Variants in DNAJC2 observed in about 807,000 individuals in gnomAD.
The protein encoded by DNAJC2 is dnaJ homolog subfamily C member 2.
Under a neutral mutation model 94.0 loss-of-function variants are expected in DNAJC2, and 32 were observed. That is an observed-to-expected ratio of 0.34 (90% CI 0.26 to 0.46). DNAJC2 has a LOEUF of 0.46. Ranked by LOEUF, DNAJC2 falls within the 20% of genes least tolerant of loss-of-function variation. The probability of loss-of-function intolerance (pLI) is 1.00; values close to 1 mark genes in which losing one functional copy is unlikely to be tolerated. For synonymous variants in DNAJC2, 210 were observed against 229.7 expected (o/e 0.91, Z 0.77); for missense variants, 550 against 719.5 (o/e 0.76, Z 2.69).
Position 103,319,620 on chromosome 7 carries a change from A to G in DNAJC2, c.1231T>C (p.Leu411=). Residue 411 remains leucine (L), a synonymous_variant, in exon 12 of 17, where the codon TTG becomes CTG. Transcript: ENST00000379263. ...TGTTCCTCTATTACCTGTTTTTCCA[A>G]AGCAGCCTTTCCTACTTCTTTTGTG... ...SCTKEVGKAA[L]EKQIEEINEQ... 1 of 1,614,162 alleles carries G rather than the reference A, an allele frequency of 6.2e-7. No individual in the cohort carries two copies. Among genetic ancestry groups the G allele is most frequent in the Non-Finnish European group, 8.5e-7 (1 of 1,180,024 alleles).
intron 1 of DNAJC2, 199 bp downstream of exon 1, chr7:103,344,360 G>A: frequency 1.7e-6 from 1 of 604,232 alleles, no homozygotes; most frequent in East Asian, 2.9e-5. Context: ...CAAAAGGAAG[G>A]CACCCCTCAC....
intron 1 of DNAJC2, among the ~76,000 whole-genome samples, chr7:103,342,550 C>G (rs1819414977): frequency 1.3e-5 from 2 of 151,696 alleles, no homozygotes; most frequent in African/African-American, 4.8e-5. Flanking sequence ...GGTGATCTGC[C>G]TGCCTCGGCC....
Position 103,319,835 on chromosome 7 carries a change from G to A in DNAJC2, c.1093C>T (p.His365Tyr). The part of the protein sequence containing the change: ...KLRNSCKTWN[H>Y]FSDNEAERVK... ...CGCTCTGCCTCATTATCAGAAAAAT[G>A]ATTCCAGGTCTAAAAGCACAAACAC... is the stretch of plus-strand genomic sequence containing the variant. The change falls in exon 11 of 17, where the codon CAT (histidine) becomes TAT (tyrosine). Residue 365 changes from histidine (H) to tyrosine (Y), a missense_variant. Physicochemically the swap from His to Tyr is moderately conservative, Grantham distance 83. Coordinates refer to ENST00000379263, the MANE Select transcript of DNAJC2 (RefSeq NM_014377.3). The A allele has an allele frequency of 1.2e-6, 2 of 1,614,062 alleles. No homozygotes were observed. The highest frequency in any genetic ancestry group is 2.2e-5 in the South Asian group (2 of 91,076).
intron 15 of DNAJC2, among the ~76,000 whole-genome samples, chr7:103,315,415 TAAG>T (rs962665475): frequency 2.6e-5 from 4 of 152,178 alleles, no homozygotes; most frequent in Non-Finnish European, 4.4e-5. Context: ...TCCTTAAACA[TAAG>T]GACATTTTCT....
rs778506913 is a variant in DNAJC2, at chr7:103,319,596, G to T, written c.1242+13C>A. 6.8e-6 allele frequency: 11 copies of T among 1,613,062 alleles called. No homozygotes were observed. In the Admixed American group the frequency reaches 1.5e-4, roughly 22 times the overall value. On this transcript the variant is annotated intron_variant, in intron 12 of 16. Transcript: ENST00000379263. Reference sequence around the variant, plus strand: ...TGCTACATATAGGTAGGAGTGATGTGTTCCTCTATTACCTGTTTTTCCAAA... The same window carrying T: ...TGCTACATATAGGTAGGAGTGATGTTTTCCTCTATTACCTGTTTTTCCAAA...
At chr7:103,326,809 AGGTT>A (rs1250999249) in intron 4 of DNAJC2, 125 bp from the exon 5 acceptor site, 1 of 915,958 alleles carries the variant, frequency 1.1e-6, no homozygotes, top group African/African-American at 1.7e-5. Flanking sequence ...TTTTGTTTGC[AGGTT>A]GGGGAGGATT....
At chr7:103,331,815 T>C (rs1330748289) in intron 3 of DNAJC2, among the ~76,000 whole-genome samples, 1 of 152,170 alleles carries the variant, frequency 6.6e-6, no homozygotes, top group African/African-American at 2.4e-5. Context: ...AATAAAAACA[T>C]GGGAGTGCAG....
chr7:103,321,968 A>G lies in DNAJC2; in HGVS notation c.1047T>C (p.Ile349=), dbSNP rs555429309. The G allele has an allele frequency of 1.2e-6, 2 of 1,613,614 alleles. No homozygotes were observed. The highest frequency in any genetic ancestry group is 3.3e-5 in the Admixed American group (2 of 60,008). Residue 349 remains isoleucine (I), a synonymous_variant, in exon 10 of 17, where the codon ATT becomes ATC. Transcript: ENST00000379263. The part of the protein sequence containing the change: ...KKEKDIQKKA[I]KKERQKLRNS... Reference sequence around the variant, plus strand: ...TTCGAAGTTTTTGCCTTTCCTTCTTAATGGCTTTTTTCTGGATATCTTTTT... The same window carrying G: ...TTCGAAGTTTTTGCCTTTCCTTCTTGATGGCTTTTTTCTGGATATCTTTTT...
At chr7:103,339,592 C>G (rs530704407) in intron 2 of DNAJC2, among the ~76,000 whole-genome samples, 1 of 151,694 alleles carries the variant, frequency 6.6e-6, no homozygotes, top group South Asian at 2.1e-4. Flanking sequence ...TTTTAGTTTG[C>G]CAAATCCAAT....
At chr7:103,324,931 G>A (rs996523952) in intron 5 of DNAJC2, among the ~76,000 whole-genome samples, 1 of 152,164 alleles carries the variant, frequency 6.6e-6, no homozygotes, top group Non-Finnish European at 1.5e-5. Context: ...ACAACAACCT[G>A]TAGGCCTAGC....
At position 103,318,610 on chromosome 7, in the gene DNAJC2, G is replaced by T. The variant is rs76097886; in HGVS notation, c.1242+999C>A. Among the ~76,000 whole-genome samples the T allele has an allele frequency of 3.8e-3, 573 of 152,198 alleles. 4 individuals carry two copies. The highest frequency in any genetic ancestry group is 0.014 in the African/African-American group (564 of 41,520). ...GTCCTTTGTGGTGCAACAGCATTAG[G>T]CATTTCTCCAAAAGAACCTAGGCAT... On this transcript the variant is annotated intron_variant, in intron 12 of 16. Coordinates refer to ENST00000379263, the MANE Select transcript of DNAJC2 (RefSeq NM_014377.3).
Position 103,341,803 on chromosome 7 carries a change from C to G in DNAJC2, c.216G>C (p.Glu72Asp). 1 of 1,601,380 alleles carries G rather than the reference C, an allele frequency of 6.2e-7. No individual in the cohort carries two copies. Among genetic ancestry groups the G allele is most frequent in the Non-Finnish European group, 8.5e-7 (1 of 1,175,000 alleles). Residue 72 changes from glutamate to aspartate, a missense_variant, in exon 2 of 17, where the codon GAG (glutamate) becomes GAC (aspartate). This residue lies in a region of DNAJC2 where 279 missense variants were observed against 416.9 expected (regional missense o/e 0.67). Transcript: ENST00000379263. Reference protein sequence around the residue: ...ESEDEELQLEEFPMLKTLDPK... With the variant: ...ESEDEELQLEDFPMLKTLDPK... ...GATCAAGTGTTTTCAGCATGGGAAA[C>G]TCTTCCAACTGCAATTCTTCATCTT...
At chr7:103,315,690 A>T (rs989149378) in intron 15 of DNAJC2, 74 bp downstream of exon 15, 3 of 943,982 alleles carry the variant, frequency 3.2e-6, no homozygotes, top group Admixed American at 4.2e-5. Context: ...CTGAACATAG[A>T]CCCTAAGTCT....
rs143346646 is a variant in DNAJC2 at position 103,325,889 on chromosome 7, GAGT to G, written c.572+651_572+653del. 7.5e-3 allele frequency among the ~76,000 whole-genome samples: 1,137 copies of G among 152,332 alleles called. 16 individuals carry two copies. Among genetic ancestry groups the G allele is most frequent in the African/African-American group, 0.026 (1,087 of 41,574 alleles). ...ATTTCTCAACTGACAATGAGTCAGA[GAGT>G]AGTATACCGATTGATAAAGAGGAAA... On this transcript the variant is annotated intron_variant, in intron 5 of 16. Transcript: ENST00000379263.
At chr7:103,318,025 TTAG>T (rs1818167065) in intron 12 of DNAJC2, among the ~76,000 whole-genome samples, 1 of 152,184 alleles carries the variant, frequency 6.6e-6, no homozygotes, top group Non-Finnish European at 1.5e-5. Context: ...AAACGTCAGA[TTAG>T]TAGTACAATG....
At chr7:103,331,120 C>T (rs187221549) in intron 3 of DNAJC2, among the ~76,000 whole-genome samples, 1 of 152,110 alleles carries the variant, frequency 6.6e-6, no homozygotes, top group Non-Finnish European at 1.5e-5. Context: ...CCACGCTCAG[C>T]TAATTTTTGT....
intron 2 of DNAJC2, among the ~76,000 whole-genome samples, chr7:103,338,275 T>C (rs1819251215): frequency 6.6e-6 from 1 of 150,538 alleles, no homozygotes; most frequent in South Asian, 2.1e-4. Flanking sequence ...GTCTTTTTTT[T>C]TTTTTTTTTA....
At chr7:103,333,223 C>T (rs889305162) in intron 3 of DNAJC2, among the ~76,000 whole-genome samples, 1 of 152,094 alleles carries the variant, frequency 6.6e-6, no homozygotes, top group African/African-American at 2.4e-5. Context: ...TATTTTCTTC[C>T]TACATCTTCC....
intron 3 of DNAJC2, among the ~76,000 whole-genome samples, chr7:103,331,679 CA>C (rs1391041374): frequency 3.3e-5 from 5 of 152,308 alleles, no homozygotes; most frequent in Non-Finnish European, 7.4e-5. Context: ...TATATTTCTG[CA>C]GACGTTTCAT....
Sources: allele counts gnomAD v4.1 joint callset (sites outside exome capture counted in the v4.1 genomes callset), GRCh38; gene constraint gnomAD v4.1.1; regional missense constraint gnomAD v4.1.1; transcripts MANE v1.5; gene names NCBI Gene and HGNC (gene_info 2026-07-23, HGNC 2026-07-21).